The following UBE2K variants were observed in gnomAD, a reference collection of about 807,000 sequenced individuals.
UBE2K encodes ubiquitin-conjugating enzyme E2 K.
Under a neutral mutation model 30.0 loss-of-function variants are expected in UBE2K, and 6 were observed. That is an observed-to-expected ratio of 0.20 (90% CI 0.11 to 0.39). The LOEUF (loss-of-function observed/expected upper bound fraction) is 0.39, where lower values mean the gene tolerates loss of function less well. Among genes scored for constraint, UBE2K ranks in the 10% least tolerant of loss-of-function variants. The pLI is 1.00. For synonymous variants in UBE2K, 86 were observed against 83.7 expected, an observed-to-expected ratio of 1.03 and a Z score of -0.15; for missense variants, 61 against 241.6, an observed-to-expected ratio of 0.25 and a Z score of 4.96.
chr4:39,711,015 G>A (rs932011440), intron 1 of UBE2K, among the ~76,000 whole-genome samples: 25 of 150,588 alleles, frequency 1.7e-4, no homozygotes, highest in African/African-American at 6.1e-4. Context: ...TGAAGTTAGT[G>A]TATATCCTTC....
chr4:39,770,293 C>T (rs369140400), intron 4 of UBE2K: 12 of 1,611,360 alleles, frequency 7.4e-6, no homozygotes, highest in Middle Eastern at 1.7e-4. Flanking sequence ...CCGCAGATGC[C>T]GCACGAGTGT....
At chr4:39,753,698 T>C (rs753051361) in intron 3 of UBE2K, among the ~76,000 whole-genome samples, 3 of 152,150 alleles carry the variant, frequency 2.0e-5, no homozygotes, top group Non-Finnish European at 4.4e-5. Flanking sequence ...AGGTATGTTA[T>C]TGAGAAAACA....
chr4:39,716,707 A>T (rs1719084360), intron 1 of UBE2K, among the ~76,000 whole-genome samples: 1 of 152,130 alleles, frequency 6.6e-6, no homozygotes, highest in Non-Finnish European at 1.5e-5. Context: ...CAGAATATTT[A>T]AAAAATGAGG....
chr4:39,771,456 C>T, intron 4 of UBE2K: 2 of 1,567,716 alleles, frequency 1.3e-6, no homozygotes, highest in Non-Finnish European at 8.6e-7. Context: ...GGTGGGCAAC[C>T]CTGGCCCGGT....
At chr4:39,702,340 C>T (rs750901543) in intron 1 of UBE2K, among the ~76,000 whole-genome samples, 3 of 143,944 alleles carry the variant, frequency 2.1e-5, no homozygotes, top group Admixed American at 7.3e-5. Context: ...CCCCAACCTC[C>T]GCCTCCTGGA....
chr4:39,778,311 T>G (rs760168850), intron 6 of UBE2K, 49 bp from the exon 7 acceptor site: 11 of 1,252,986 alleles, frequency 8.8e-6, no homozygotes, highest in Non-Finnish European at 1.0e-5. Context: ...CAGTATTGTT[T>G]AAATGTTTCC....
intron 1 of UBE2K, among the ~76,000 whole-genome samples, chr4:39,734,679 G>A (rs182258066): frequency 6.6e-6 from 1 of 152,100 alleles, no homozygotes; most frequent in Non-Finnish European, 1.5e-5. Context: ...AGGCATGGTG[G>A]TGCACACCTC....
rs1713491861 is a variant in UBE2K, at chr4:39,779,581, T to C, written c.*1147T>C. 6.6e-6 allele frequency: 1 copy of C among 152,652 alleles called. No homozygotes were observed. The allele number at this position is 152,652 out of a possible 1,614,324, so 9.5% of individuals were successfully genotyped here. On this transcript the variant is annotated 3_prime_UTR_variant, in exon 7 of 7. Coordinates refer to ENST00000261427, the MANE Select transcript of UBE2K (RefSeq NM_005339.5). ...TATGATGTTTCTGATAATACGAGAA[T>C]TGAAAACTTTACCTTCTCTTGTACA...
chr4:39,771,483 T>C, intron 4 of UBE2K: 1 of 1,505,288 alleles, frequency 6.6e-7, no homozygotes, highest in Admixed American at 2.2e-5. Flanking sequence ...CGCTGTTTTT[T>C]TTTAATCCCC....
intron 4 of UBE2K, chr4:39,770,741 G>T: frequency 6.3e-7 from 1 of 1,584,272 alleles, no homozygotes; most frequent in Non-Finnish European, 8.6e-7. Flanking sequence ...AGCCTCCAAT[G>T]CCCAGGCCCC....
intron 4 of UBE2K, among the ~76,000 whole-genome samples, chr4:39,764,375 A>G (rs1712168221): frequency 6.6e-6 from 1 of 150,542 alleles, no homozygotes; most frequent in South Asian, 2.1e-4. Flanking sequence ...CTAAATTTGC[A>G]GCTCTAGATT....
chr4:39,770,290 T>G (rs1712696910), intron 4 of UBE2K: 1 of 1,611,392 alleles, frequency 6.2e-7, no homozygotes, highest in Admixed American at 1.7e-5. Context: ...TTGCCGCAGA[T>G]GCCGCACGAG....
Position 39,778,595 on chromosome 4 carries a change from G to A in UBE2K, c.*161G>A. The A allele has an allele frequency of 2.0e-6, 1 of 489,686 alleles. No homozygotes were observed. The highest frequency in any genetic ancestry group is 3.7e-5 in the Admixed American group (1 of 26,726). 30.3% of individuals were successfully genotyped at this position (489,686 alleles called of 1,614,324 possible). The stretch of plus-strand genomic sequence containing the variant: ...ACTGAAAAAAAAAAATCCCTGCTCT[G>A]TAAATAAAGCTAATTAAACGTCTGT... On this transcript the variant is annotated 3_prime_UTR_variant, in exon 7 of 7. Transcript: ENST00000261427.
At position 39,736,013 on chromosome 4, in the gene UBE2K, G is replaced by GTT. The variant is rs11323808; in HGVS notation, c.64-1397_64-1396dup. The stretch of plus-strand genomic sequence containing the variant: ...ACATAGAAAAAGAGTAAAAATTGTG[G>GTT]TTTTTTTTTTTGGGTTGGAGGAGGA... On this transcript the variant is annotated intron_variant, in intron 1 of 6. Transcript: ENST00000261427. Among the ~76,000 whole-genome samples, 866 of 149,240 alleles carry GTT rather than the reference G, an allele frequency of 5.8e-3. 6 individuals are homozygous for GTT. Among genetic ancestry groups the GTT allele is most frequent in the African/African-American group, 0.02 (823 of 40,986 alleles).
chr4:39,724,121 ATTT>A (rs11295454), intron 1 of UBE2K, among the ~76,000 whole-genome samples: 2 of 142,498 alleles, frequency 1.4e-5, no homozygotes, highest in Admixed American at 7.0e-5. Flanking sequence ...TCCTTTTTTA[ATTT>A]TTTTTTTTTT....
chr4:39,715,793 A>G (rs1719026341), intron 1 of UBE2K, among the ~76,000 whole-genome samples: 1 of 152,192 alleles, frequency 6.6e-6, no homozygotes, highest in Non-Finnish European at 1.5e-5. Context: ...GACCCAGGTC[A>G]CTGGTTGGCC....
intron 1 of UBE2K, among the ~76,000 whole-genome samples, chr4:39,698,882 G>A (rs1036300685): frequency 6.6e-6 from 1 of 152,210 alleles, no homozygotes; most frequent in Non-Finnish European, 1.5e-5. Context: ...GGAAGGAGCA[G>A]TGAGTCCTTA....
At chr4:39,769,294 G>A (rs1712579472) in intron 4 of UBE2K, among the ~76,000 whole-genome samples, 2 of 147,130 alleles carry the variant, frequency 1.4e-5, no homozygotes, top group East Asian at 4.0e-4. Flanking sequence ...CCAAACTCCA[G>A]AAAAAATCCT....
intron 2 of UBE2K, among the ~76,000 whole-genome samples, chr4:39,743,560 C>T (rs1049183468): frequency 1.5e-4 from 22 of 150,896 alleles, no homozygotes; most frequent in African/African-American, 4.1e-4. Context: ...GCCGAGATCC[C>T]GCCACTGCAC....
Sources: allele counts gnomAD v4.1 joint callset (sites outside exome capture counted in the v4.1 genomes callset), GRCh38; gene constraint gnomAD v4.1.1; transcripts MANE v1.5; gene names NCBI Gene and HGNC (gene_info 2026-07-23, HGNC 2026-07-21).